SH3RF1: variants seen among roughly 807,000 people sequenced by gnomAD.
SH3RF1 encodes E3 ubiquitin-protein ligase SH3RF1.
A neutral mutation model predicts 74.0 loss-of-function variants in SH3RF1; 32 were observed. The ratio of observed to expected loss-of-function variants is 0.43; its 90% CI spans 0.33 to 0.58. The LOEUF (loss-of-function observed/expected upper bound fraction) is 0.58, where lower values mean the gene tolerates loss of function less well. Among genes scored for constraint, SH3RF1 ranks in the 20% least tolerant of loss-of-function variants. SH3RF1 has a pLI of 0.05. For synonymous variants in SH3RF1, 396 were observed against 439.6 expected (o/e 0.90, Z 1.24); for missense variants, 954 against 1,130.9 (o/e 0.84, Z 2.24).
rs562599549 is a variant in SH3RF1 at position 169,118,605 on chromosome 4, G to A, written c.1518-823C>T. On this transcript the variant is annotated intron_variant, in intron 8 of 11. Transcript: ENST00000284637. ...CGAGTAGCTGGGAGTACAGGCACGC[G>A]CCACCATGCCCGGCTACTTTTTTGT... 8.5e-5 allele frequency among the ~76,000 whole-genome samples: 13 copies of A among 152,048 alleles called. No homozygotes were observed. In the East Asian group the frequency reaches 1.7e-3, roughly 20 times the overall value.
chr4:169,239,193 C>G (rs952207538), intron 2 of SH3RF1, among the ~76,000 whole-genome samples: 6 of 152,132 alleles, frequency 3.9e-5, no homozygotes, highest in Admixed American at 3.3e-4. Flanking sequence ...TGTGGATAGC[C>G]ATTTCTGCCA....
intron 11 of SH3RF1, among the ~76,000 whole-genome samples, chr4:169,103,140 C>T (rs1733071215): frequency 8.3e-6 from 1 of 120,822 alleles, no homozygotes; most frequent in Non-Finnish European, 1.6e-5. Context: ...GTTTCACCAT[C>T]TTGGTCAGGC....
chr4:169,261,789 C>A (rs1168351647), intron 2 of SH3RF1, among the ~76,000 whole-genome samples: 1 of 151,986 alleles, frequency 6.6e-6, no homozygotes, highest in South Asian at 2.1e-4. Flanking sequence ...CAGTGGTTAC[C>A]CCTAGAGATT....
At position 169,249,428 on chromosome 4, in the gene SH3RF1, C is replaced by T. The variant is rs1731061131; in HGVS notation, c.393+19392G>A. On this transcript the variant is annotated intron_variant, in intron 2 of 11. Coordinates refer to ENST00000284637, the MANE Select transcript of SH3RF1 (RefSeq NM_020870.4). ...GAGTTGCCCTCACCAGATAACTGAACCTACCAGCACCTTGATCTTGGACTT... is the reference window on the plus strand; with the variant it reads ...GAGTTGCCCTCACCAGATAACTGAATCTACCAGCACCTTGATCTTGGACTT... Among the ~76,000 whole-genome samples, 3 of 152,316 alleles carry T rather than the reference C, an allele frequency of 2.0e-5. No homozygotes were observed. In the South Asian group the frequency reaches 6.2e-4, roughly 32 times the overall value.
intron 2 of SH3RF1, among the ~76,000 whole-genome samples, chr4:169,218,551 C>G (rs553185221): frequency 1.4e-4 from 21 of 150,044 alleles, no homozygotes; most frequent in Non-Finnish European, 2.5e-4. Flanking sequence ...TGCAAAAACT[C>G]CTTTTACCCT....
chr4:169,121,969 G>T, intron 7 of SH3RF1, 131 bp downstream of exon 7: 1 of 1,185,426 alleles, frequency 8.4e-7, no homozygotes, highest in Non-Finnish European at 1.2e-6. Flanking sequence ...GTAGAAGTTT[G>T]CAGGACACAG....
intron 2 of SH3RF1, among the ~76,000 whole-genome samples, chr4:169,243,633 G>C (rs1730949186): frequency 6.6e-6 from 1 of 152,156 alleles, no homozygotes; most frequent in Non-Finnish European, 1.5e-5. Context: ...TCCCCTATTA[G>C]TTTTGTTATC....
intron 11 of SH3RF1, among the ~76,000 whole-genome samples, chr4:169,102,395 A>G (rs2706742): frequency 0.91 from 136,598 of 149,642 alleles, 62,392 homozygotes; most frequent in Non-Finnish European, 0.97. Flanking sequence ...TCATACATAG[A>G]TTTTTTTTTT....
intron 7 of SH3RF1, among the ~76,000 whole-genome samples, 161 bp from the exon 8 acceptor site, chr4:169,121,150 G>T (rs1733430122): frequency 2.0e-5 from 3 of 152,296 alleles, no homozygotes; most frequent in African/African-American, 7.2e-5. Context: ...TCCATTGAAA[G>T]AGGTTTTGCT....
intron 2 of SH3RF1, among the ~76,000 whole-genome samples, chr4:169,176,475 A>C (rs538337007): frequency 1.1e-4 from 17 of 152,338 alleles, no homozygotes; most frequent in African/African-American, 2.9e-4. Context: ...CGAACAAAAC[A>C]AATATTAATT....
intron 4 of SH3RF1, among the ~76,000 whole-genome samples, chr4:169,155,093 A>G (rs938837681): frequency 1.3e-5 from 2 of 152,226 alleles, no homozygotes; most frequent in Non-Finnish European, 2.9e-5. Flanking sequence ...TGATGCAGCA[A>G]GTAACCAAAG....
chr4:169,239,236 C>T (rs1355251818), intron 2 of SH3RF1, among the ~76,000 whole-genome samples: 1 of 152,124 alleles, frequency 6.6e-6, no homozygotes, highest in African/African-American at 2.4e-5. Context: ...TATAAATCTA[C>T]CTACTTTGTA....
At chr4:169,122,316 T>C in intron 6 of SH3RF1, 50 bp from the exon 7 acceptor site, 10 of 1,520,346 alleles carry the variant, frequency 6.6e-6, no homozygotes, top group Non-Finnish European at 8.9e-6. Flanking sequence ...AACAAAATAC[T>C]GATTTACATC....
chr4:169,247,261 C>T (rs1579161184), intron 2 of SH3RF1, among the ~76,000 whole-genome samples: 2 of 152,272 alleles, frequency 1.3e-5, no homozygotes, highest in Admixed American at 1.3e-4. Context: ...TAGGTTTAGA[C>T]AGAGATTGCA....
chr4:169,237,625 A>G (rs1050118746), intron 2 of SH3RF1, among the ~76,000 whole-genome samples: 2 of 152,212 alleles, frequency 1.3e-5, no homozygotes, highest in African/African-American at 4.8e-5. Context: ...ACAGTAAACA[A>G]ATCCAGGAAA....
chr4:169,183,507 C>G (rs1734548915), intron 2 of SH3RF1, among the ~76,000 whole-genome samples: 1 of 152,116 alleles, frequency 6.6e-6, no homozygotes. Context: ...TCTCGAACTC[C>G]TAACCTCAGG....
chr4:169,217,954 T>G (rs1268091676), intron 2 of SH3RF1, among the ~76,000 whole-genome samples: 1 of 151,998 alleles, frequency 6.6e-6, no homozygotes, highest in Non-Finnish European at 1.5e-5. Context: ...ATTCCTATGG[T>G]TTTCCAAATC....
intron 2 of SH3RF1, among the ~76,000 whole-genome samples, chr4:169,251,942 T>G (rs149999509): frequency 8.5e-5 from 13 of 152,370 alleles, no homozygotes; most frequent in Admixed American, 3.9e-4. Flanking sequence ...CTATATTTTA[T>G]TCAGATCACC....
intron 10 of SH3RF1, among the ~76,000 whole-genome samples, chr4:169,111,645 T>C (rs747581369): frequency 1.3e-5 from 2 of 152,152 alleles, no homozygotes; most frequent in Non-Finnish European, 2.9e-5. Context: ...GAGACACATT[T>C]TCCTGGAGAT....
Sources: allele counts gnomAD v4.1 joint callset (sites outside exome capture counted in the v4.1 genomes callset), GRCh38; gene constraint gnomAD v4.1.1; transcripts MANE v1.5; gene names NCBI Gene and HGNC (gene_info 2026-07-23, HGNC 2026-07-21).